VPS13A: variants seen among roughly 807,000 people sequenced by gnomAD.
VPS13A encodes vacuolar protein sorting 13 homolog A.
VPS13A carries 264 observed loss-of-function variants against 390.9 expected under a neutral mutation model. That is an observed-to-expected ratio of 0.68 (90% CI 0.61 to 0.75). VPS13A has a LOEUF of 0.75. VPS13A is among the 30% of genes least tolerant of loss of function. VPS13A has a pLI of 0.00. For missense variants in VPS13A, 3,409 were observed against 3,733.9 expected, an observed-to-expected ratio of 0.91 and a Z score of 2.27; for synonymous variants, 1,231 against 1,227.1, an observed-to-expected ratio of 1.00 and a Z score of -0.07.
In VPS13A at chr9:77,321,486, A is replaced by C; in HGVS notation, c.5575-5A>C. 2 of 1,613,166 alleles carry C rather than the reference A, an allele frequency of 1.2e-6. No individual in the cohort carries two copies. Among genetic ancestry groups the C allele is most frequent in the Non-Finnish European group, 1.7e-6 (2 of 1,179,464 alleles). The stretch of plus-strand genomic sequence containing the variant: ...ATTTTATTTAGCATAACTCTTTCTT[A>C]TTAGGCATTTACAGAAGCTGCCACT... On this transcript the variant is annotated splice_region_variant and splice_polypyrimidine_tract_variant and intron_variant, in intron 43 of 71. Coordinates refer to ENST00000360280, the MANE Select transcript of VPS13A (RefSeq NM_033305.3).
chr9:77,260,359 T>A, intron 23 of VPS13A, 135 bp downstream of exon 23: 2 of 908,220 alleles, frequency 2.2e-6, no homozygotes, highest in Non-Finnish European at 1.6e-6. Flanking sequence ...TACTTTTTTT[T>A]TTTTTTTTTT....
intron 7 of VPS13A, among the ~76,000 whole-genome samples, chr9:77,212,582 C>T (rs933749894): frequency 7.9e-5 from 12 of 152,106 alleles, no homozygotes; most frequent in Non-Finnish European, 1.3e-4. Flanking sequence ...GCAATCCTCC[C>T]AACTCAGCCT....
chr9:77,254,027 C>A (rs1825301831), intron 22 of VPS13A, among the ~76,000 whole-genome samples: 1 of 147,302 alleles, frequency 6.8e-6, no homozygotes. Context: ...ACTGCAGGCT[C>A]CGCCCCCCAG....
intron 50 of VPS13A, among the ~76,000 whole-genome samples, chr9:77,342,532 G>A (rs1830891955): frequency 6.6e-6 from 1 of 152,126 alleles, no homozygotes; most frequent in African/African-American, 2.4e-5. Context: ...ATGGGTGGTT[G>A]AGATAGTGAC....
chr9:77,342,922 G>A (rs1325543688), intron 50 of VPS13A, among the ~76,000 whole-genome samples: 1 of 152,200 alleles, frequency 6.6e-6, no homozygotes, highest in Non-Finnish European at 1.5e-5. Context: ...TGAACAAAGT[G>A]TCCGGCAGTT....
In VPS13A at chr9:77,205,357, C is replaced by T. The variant is rs1249436718; in HGVS notation, c.232C>T (p.Pro78Ser). The T allele has an allele frequency of 1.4e-5, 21 of 1,498,696 alleles. No homozygotes were observed. Among genetic ancestry groups the T allele is most frequent in the Non-Finnish European group, 1.9e-5 (21 of 1,118,694 alleles). The allele number at this position is 1,498,696 out of a possible 1,614,324, so 92.8% of individuals were successfully genotyped here. A position where few individuals can be genotyped will look rare whatever the true frequency, so the allele number is the denominator to read the frequency against. The change falls in exon 4 of 72, where the codon CCT (proline) becomes TCT (serine). Residue 78 changes from proline (P) to serine (S), a missense_variant. This residue lies in a region of VPS13A where 2,717 missense variants were observed against 2,917.4 expected (regional missense o/e 0.93). Coordinates refer to ENST00000360280, the MANE Select transcript of VPS13A (RefSeq NM_033305.3). ...IIPWKNLYTQ[P>S]VEAVLEEIYL... ...TCCATGGAAAAACCTTTATACTCAA[C>T]CTGTTGAAGCCGTATTGGAAGAAAT...
At chr9:77,346,285 TTA>T (rs1390015670) in intron 52 of VPS13A, among the ~76,000 whole-genome samples, 3 of 152,200 alleles carry the variant, frequency 2.0e-5, no homozygotes, top group Admixed American at 6.5e-5. Flanking sequence ...GAGCTTCTTT[TTA>T]TATGTTTCTT....
chr9:77,265,923 C>T (rs932437898), intron 23 of VPS13A, among the ~76,000 whole-genome samples: 3 of 152,134 alleles, frequency 2.0e-5, no homozygotes, highest in African/African-American at 4.8e-5. Context: ...CCCGCTTTCT[C>T]CTGTGGGGAT....
chr9:77,299,680 C>T (rs957952262), intron 33 of VPS13A, among the ~76,000 whole-genome samples: 2 of 152,142 alleles, frequency 1.3e-5, no homozygotes, highest in Non-Finnish European at 2.9e-5. Flanking sequence ...AACCCAAATG[C>T]TCATCAATGA....
chr9:77,310,193 G>A (rs1378876428), intron 35 of VPS13A, among the ~76,000 whole-genome samples: 1 of 152,044 alleles, frequency 6.6e-6, no homozygotes, highest in Admixed American at 6.5e-5. Flanking sequence ...AGGAAATCTA[G>A]GAAACAGAAA....
chr9:77,208,103 G>A (rs1423358682), intron 5 of VPS13A, among the ~76,000 whole-genome samples: 1 of 152,200 alleles, frequency 6.6e-6, no homozygotes, highest in African/African-American at 2.4e-5. Flanking sequence ...GAGAAAGAAA[G>A]ACAACATTTA....
intron 61 of VPS13A, among the ~76,000 whole-genome samples, chr9:77,367,274 T>C (rs1453846430): frequency 1.3e-5 from 2 of 152,170 alleles, no homozygotes; most frequent in Non-Finnish European, 2.9e-5. Context: ...AATGAAAGGA[T>C]CAACTTTAAG....
In VPS13A at chr9:77,250,243, G is replaced by T; in HGVS notation, c.2170+14G>T. ...ACAGTAGAGTTGGTGAGTATAAAATGCATTATTTGTTGATTGATTTTGTTG... is the reference window on the plus strand; with the variant it reads ...ACAGTAGAGTTGGTGAGTATAAAATTCATTATTTGTTGATTGATTTTGTTG... On this transcript the variant is annotated intron_variant, in intron 21 of 71. Transcript: ENST00000360280. 1 of 1,612,100 alleles carries T rather than the reference G, an allele frequency of 6.2e-7. No individual in the cohort carries two copies. Among genetic ancestry groups the T allele is most frequent in the South Asian group, 1.1e-5 (1 of 91,024 alleles).
At chr9:77,313,848 C>T in intron 35 of VPS13A, 144 bp from the exon 36 acceptor site, 1 of 913,130 alleles carries the variant, frequency 1.1e-6, no homozygotes, top group Non-Finnish European at 1.6e-6. Context: ...CTGAGTTTTA[C>T]ATCTGAATTT....
intron 34 of VPS13A, among the ~76,000 whole-genome samples, chr9:77,304,975 GT>G (rs1282811524): frequency 6.8e-6 from 1 of 146,246 alleles, no homozygotes; most frequent in Non-Finnish European, 1.5e-5. Flanking sequence ...GTCTCGCTCT[GT>G]TGCCCAGGCT....
intron 9 of VPS13A, 50 bp downstream of exon 9, chr9:77,213,364 G>C (rs773292919): frequency 2.1e-6 from 3 of 1,445,100 alleles, no homozygotes; most frequent in Non-Finnish European, 2.9e-6. Context: ...TTTTGCATGA[G>C]GTTTAATTCA....
intron 1 of VPS13A, among the ~76,000 whole-genome samples, chr9:77,191,203 T>G (rs966396682): frequency 2.0e-5 from 3 of 152,104 alleles, no homozygotes; most frequent in African/African-American, 7.2e-5. Context: ...CTCTTAAGAC[T>G]ACATTAGCTA....
At chr9:77,182,516 T>C (rs1013810733) in intron 1 of VPS13A, among the ~76,000 whole-genome samples, 24 of 152,222 alleles carry the variant, frequency 1.6e-4, no homozygotes, top group Admixed American at 1.1e-3. Context: ...TGAAAATATT[T>C]TTTTAAACAA....
At chr9:77,327,596 A>G (rs952997903) in intron 45 of VPS13A, among the ~76,000 whole-genome samples, 1 of 151,802 alleles carries the variant, frequency 6.6e-6, no homozygotes, top group Non-Finnish European at 1.5e-5. Context: ...GTTATTATCT[A>G]TTCCAAAGAT....
Sources: gnomAD v4.1 joint callset for allele counts (sites outside exome capture counted in the v4.1 genomes callset) on GRCh38, gnomAD v4.1.1 for gene constraint, gnomAD v4.1.1 regional missense constraint, MANE v1.5 for transcripts, NCBI Gene and HGNC (gene_info 2026-07-23, HGNC 2026-07-21) for gene names.